BICD1: variants seen among roughly 807,000 people sequenced by gnomAD.
The protein encoded by BICD1 is BICD cargo adaptor 1.
BICD1 carries 35 observed loss-of-function variants against 92.5 expected under a neutral mutation model. The observed-to-expected ratio is 0.38, with a 90% confidence interval of 0.29 to 0.50. BICD1 has a LOEUF of 0.50. Among genes scored for constraint, BICD1 ranks in the 20% least tolerant of loss-of-function variants. The pLI, the probability that BICD1 is intolerant of heterozygous loss-of-function variation, is 0.93. For synonymous variants in BICD1, 429 were observed against 465.1 expected, an observed-to-expected ratio of 0.92 and a Z score of 1.00; for missense variants, 950 against 1,189.8, an observed-to-expected ratio of 0.80 and a Z score of 2.97.
At chr12:32,376,631 G>C (rs1435709174) in intron 9 of BICD1, among the ~76,000 whole-genome samples, 1 of 151,864 alleles carries the variant, frequency 6.6e-6, no homozygotes, top group East Asian at 2.0e-4. Context: ...ACTTGGGGAG[G>C]CCGAGGCAGG....
chr12:32,299,103 C>G (rs1282419732), intron 3 of BICD1, among the ~76,000 whole-genome samples: 1 of 152,120 alleles, frequency 6.6e-6, no homozygotes, highest in Non-Finnish European at 1.5e-5. Context: ...TTTGGCAACA[C>G]AGGGATAGAT....
chr12:32,247,429 C>G (rs563720766), intron 2 of BICD1, among the ~76,000 whole-genome samples: 3 of 152,100 alleles, frequency 2.0e-5, no homozygotes, highest in Admixed American at 2.0e-4. Flanking sequence ...ATCTGAAGAT[C>G]CAGCCTCAGA....
intron 2 of BICD1, among the ~76,000 whole-genome samples, chr12:32,255,068 C>T (rs1479973161): frequency 2.6e-5 from 4 of 152,030 alleles, no homozygotes; most frequent in Non-Finnish European, 4.4e-5. Flanking sequence ...GGTCTAAGAT[C>T]GAGGTGTCTG....
chr12:32,209,513 T>C (rs991012506), intron 1 of BICD1, among the ~76,000 whole-genome samples: 103 of 152,324 alleles, frequency 6.8e-4, no homozygotes, highest in African/African-American at 2.5e-3. Flanking sequence ...AACTAGTTCA[T>C]TGGGGAGGAT....
intron 1 of BICD1, among the ~76,000 whole-genome samples, chr12:32,207,739 T>A (rs980607156): frequency 4.6e-5 from 7 of 152,204 alleles, no homozygotes; most frequent in Non-Finnish European, 1.0e-4. Flanking sequence ...AAGAAAAAGC[T>A]GCAACCTTTG....
At chr12:32,164,145 T>A (rs1218220033) in intron 1 of BICD1, among the ~76,000 whole-genome samples, 2 of 152,118 alleles carry the variant, frequency 1.3e-5, no homozygotes, top group African/African-American at 4.8e-5. Flanking sequence ...CAGCTATAAG[T>A]TGGAGGAGGA....
intron 9 of BICD1, among the ~76,000 whole-genome samples, chr12:32,376,017 T>G (rs1356786262): frequency 1.3e-5 from 2 of 152,136 alleles, no homozygotes; most frequent in African/African-American, 4.8e-5. Context: ...ATAACAGAGT[T>G]TTAGAAAAAT....
At chr12:32,208,812 T>C (rs1945133171) in intron 1 of BICD1, among the ~76,000 whole-genome samples, 1 of 151,926 alleles carries the variant, frequency 6.6e-6, no homozygotes, top group Non-Finnish European at 1.5e-5. Flanking sequence ...GGCTCAGTGT[T>C]TTCTTTCTTT....
intron 9 of BICD1, among the ~76,000 whole-genome samples, chr12:32,375,548 CTA>C (rs1939921461): frequency 6.6e-6 from 1 of 152,058 alleles, no homozygotes; most frequent in African/African-American, 2.4e-5. Flanking sequence ...ACAAATGAAA[CTA>C]TGCGCTATTT....
At chr12:32,272,250 G>A (rs186476123) in intron 2 of BICD1, among the ~76,000 whole-genome samples, 8 of 152,276 alleles carry the variant, frequency 5.3e-5, no homozygotes, top group Non-Finnish European at 1.2e-4. Flanking sequence ...CAGACAAACT[G>A]GGGAAGAGAG....
At chr12:32,325,110 A>G (rs1421150896) in intron 4 of BICD1, among the ~76,000 whole-genome samples, 1 of 150,066 alleles carries the variant, frequency 6.7e-6, no homozygotes, top group Non-Finnish European at 1.5e-5. Context: ...AGTAGCTAGG[A>G]CTACAGGCAC....
chr12:32,300,034 T>G (rs1027132858), intron 3 of BICD1, among the ~76,000 whole-genome samples: 1 of 152,006 alleles, frequency 6.6e-6, no homozygotes, highest in African/African-American at 2.4e-5. Context: ...AACAAATACA[T>G]GGGAGTGTGT....
At chr12:32,168,109 T>C (rs1429182784) in intron 1 of BICD1, among the ~76,000 whole-genome samples, 3 of 152,092 alleles carry the variant, frequency 2.0e-5, no homozygotes, top group African/African-American at 7.2e-5. Context: ...GTTACTATGA[T>C]TGAAAGTTGG....
chr12:32,155,373 G>T (rs1943409020), intron 1 of BICD1, among the ~76,000 whole-genome samples: 1 of 152,212 alleles, frequency 6.6e-6, no homozygotes, highest in African/African-American at 2.4e-5. Flanking sequence ...GAGAATTTCA[G>T]CTGTCCAGCT....
chr12:32,173,771 T>C (rs1192700130), intron 1 of BICD1, among the ~76,000 whole-genome samples: 1 of 152,236 alleles, frequency 6.6e-6, no homozygotes, highest in Non-Finnish European at 1.5e-5. Flanking sequence ...GACTTATATA[T>C]AGTTGCCAGA....
At chr12:32,228,888 G>T (rs1215684531) in intron 2 of BICD1, among the ~76,000 whole-genome samples, 1 of 152,166 alleles carries the variant, frequency 6.6e-6, no homozygotes, top group South Asian at 2.1e-4. Context: ...TCCACCTGTG[G>T]ATGTTGAGTG....
At chr12:32,366,467 A>G (rs1250234144) in intron 8 of BICD1, among the ~76,000 whole-genome samples, 1 of 152,184 alleles carries the variant, frequency 6.6e-6, no homozygotes, top group Non-Finnish European at 1.5e-5. Flanking sequence ...TAAAAATACA[A>G]AATTAGCCGG....
At chr12:32,333,181 T>C in intron 5 of BICD1, 1 of 984,718 alleles carries the variant, frequency 1.0e-6, no homozygotes, top group Non-Finnish European at 1.2e-6. Flanking sequence ...CTTTTCTGTT[T>C]TAAATGAATA....
intron 1 of BICD1, among the ~76,000 whole-genome samples, chr12:32,215,504 T>A (rs1945329226): frequency 6.6e-6 from 1 of 152,226 alleles, no homozygotes; most frequent in African/African-American, 2.4e-5. Flanking sequence ...TTATAATTGA[T>A]CTGTCCTTAA....
Sources: allele counts gnomAD v4.1 joint callset (sites outside exome capture counted in the v4.1 genomes callset), GRCh38; gene constraint gnomAD v4.1.1; transcripts MANE v1.5; gene names NCBI Gene and HGNC (gene_info 2026-07-23, HGNC 2026-07-21).